Variants in OR2V1 observed in about 807,000 individuals in gnomAD.
OR2V1 encodes the protein olfactory receptor 2V1.
In OR2V1, 18 loss-of-function variants were observed where a neutral mutation model predicts 15.0. The observed-to-expected ratio is 1.20, with a 90% CI of 0.83 to 1.78. The LOEUF is 1.78. OR2V1 is among the 40% of genes most tolerant of loss of function. The probability of loss-of-function intolerance (pLI) is 0.00; values close to 1 mark genes in which losing one functional copy is unlikely to be tolerated. For synonymous variants in OR2V1, 144 were observed against 146.1 expected, an observed-to-expected ratio of 0.99 and a Z score of 0.10; for missense variants, 359 against 392.9, an observed-to-expected ratio of 0.91 and a Z score of 0.73.
In OR2V1 at chr5:181,124,139, C is replaced by A. The variant is rs544801859; in HGVS notation, c.*218G>T. 1.4e-5 allele frequency: 6 copies of A among 414,500 alleles called. No individual in the cohort carries two copies. In the South Asian group the frequency reaches 6.8e-4, roughly 47 times the overall value. 25.7% of individuals were successfully genotyped at this position (414,500 alleles called of 1,614,324 possible). On this transcript the variant is annotated 3_prime_UTR_variant, in exon 4 of 4. Transcript: ENST00000641551. ...GAGCTTTAGATTGACACATTGTGATCTTTACAAAATCCCTCAGAGCACGAG... is the reference window on the plus strand; with the variant it reads ...GAGCTTTAGATTGACACATTGTGATATTTACAAAATCCCTCAGAGCACGAG...
chr5:181,125,217 AG>A lies in OR2V1; in HGVS notation c.87del (p.Ser30LeufsTer108). 6.2e-7 allele frequency: 1 copy of A among 1,614,170 alleles called. No homozygotes were observed. Among genetic ancestry groups the A allele is most frequent in the South Asian group, 1.1e-5 (1 of 91,084 alleles). ...FSHSQTDLVL[F>X]SAVMVVFTVA... ...ACTGTGAAGACCACCATAACTGCAG[AG>A]AAGAGGACAAGGTCAGTCTGGCTGT... is the stretch of plus-strand genomic sequence containing the variant. On this transcript the variant is annotated frameshift_variant, in exon 4 of 4. Transcript: ENST00000641551. LOFTEE classifies it high-confidence loss of function.
At chr5:181,127,497 T>A (rs1762890904) in intron 3 of OR2V1, among the ~76,000 whole-genome samples, 1 of 152,152 alleles carries the variant, frequency 6.6e-6, no homozygotes, top group Non-Finnish European at 1.5e-5. Context: ...ACGTCCACCT[T>A]ACCTCACTGC....
rs1221315423 is a variant in OR2V1, at chr5:181,124,841, A to G, written c.464T>C (p.Ile155Thr). The G allele has an allele frequency of 1.9e-6, 3 of 1,599,842 alleles. No individual in the cohort carries two copies. The highest frequency in any genetic ancestry group is 1.1e-5 in the South Asian group (1 of 89,702). The change falls in exon 4 of 4, where the codon ATA (isoleucine) becomes ACA (threonine). Residue 155 changes from isoleucine to threonine, a missense_variant. Coordinates refer to ENST00000641551, the MANE Select transcript of OR2V1 (RefSeq NM_001258283.2). ...ITGSSWAFGI[I>T]DGVIQMVAAM... ...TGCCACCATCTGAATCACTCCATCTATTATCCCAAAGGCCCAGGAGCTCCC... is the reference window on the plus strand; with the variant it reads ...TGCCACCATCTGAATCACTCCATCTGTTATCCCAAAGGCCCAGGAGCTCCC...
chr5:181,127,439 C>T (rs987373370), intron 3 of OR2V1, among the ~76,000 whole-genome samples: 1 of 152,210 alleles, frequency 6.6e-6, no homozygotes, highest in African/African-American at 2.4e-5. Flanking sequence ...ACCTGCTCCA[C>T]ACATGGGCGG....
In OR2V1 at chr5:181,123,647, C is replaced by T. The variant is rs1762830199; in HGVS notation, c.*710G>A. The T allele has an allele frequency of 6.6e-6, 1 of 152,200 alleles. No homozygotes were observed. Among genetic ancestry groups the T allele is most frequent in the African/African-American group, 2.4e-5 (1 of 41,444 alleles). 9.4% of individuals were successfully genotyped at this position (152,200 alleles called of 1,614,324 possible). A position where few individuals can be genotyped will look rare whatever the true frequency, so the allele number is the denominator to read the frequency against. ...TTCCCACCTTGACTTTTCCCTTTAT[C>T]CTCGTGATTTTGGGGGCCCAAGATA... is the stretch of plus-strand genomic sequence containing the variant. On this transcript the variant is annotated 3_prime_UTR_variant, in exon 4 of 4. Coordinates refer to ENST00000641551, the MANE Select transcript of OR2V1 (RefSeq NM_001258283.2).
At position 181,123,933 on chromosome 5, in the gene OR2V1, C is replaced by A. The variant is rs1376653003; in HGVS notation, c.*424G>T. Reference sequence around the variant, plus strand: ...GAAAGAATAGAAAAGGAACAGGAACCTAGAACTTAGTAAGCATCCAATAAA... The same window carrying A: ...GAAAGAATAGAAAAGGAACAGGAACATAGAACTTAGTAAGCATCCAATAAA... On this transcript the variant is annotated 3_prime_UTR_variant, in exon 4 of 4. Transcript: ENST00000641551. The A allele has an allele frequency of 6.5e-6, 1 of 154,472 alleles. No individual in the cohort carries two copies. The highest frequency in any genetic ancestry group is 1.4e-5 in the Non-Finnish European group (1 of 69,950). The allele number at this position is 154,472 out of a possible 1,614,324, so 9.6% of individuals were successfully genotyped here. A position where few individuals can be genotyped will look rare whatever the true frequency, so the allele number is the denominator to read the frequency against.
In OR2V1 at chr5:181,130,212, T is replaced by A. The variant is rs1308290492; in HGVS notation, c.-117A>T. 1.0e-5 allele frequency: 4 copies of A among 398,506 alleles called. No individual in the cohort carries two copies. Among genetic ancestry groups the A allele is most frequent in the Non-Finnish European group, 1.8e-5 (4 of 226,118 alleles). 24.7% of individuals were successfully genotyped at this position (398,506 alleles called of 1,614,324 possible). Reference sequence around the variant, plus strand: ...CTGCAGGGGAACAAACTCAGCAGAGTCACCTGTGGAGGAGTTCCTAGCGTC... The same window carrying A: ...CTGCAGGGGAACAAACTCAGCAGAGACACCTGTGGAGGAGTTCCTAGCGTC... On this transcript the variant is annotated 5_prime_UTR_variant, in exon 2 of 4. Transcript: ENST00000641551.
Position 181,124,656 on chromosome 5 carries a change from C to G in OR2V1, c.649G>C (p.Ala217Pro), listed in dbSNP as rs1298287212. 1.9e-6 allele frequency: 3 copies of G among 1,613,498 alleles called. No individual in the cohort carries two copies. The South Asian group carries it at 3.3e-5, about 18-fold the overall frequency. ...GCCCCTAGGATGCAAGCATAGGAGGCCATGATGATGGAGAAGGGAAGGAGA... is the reference window on the plus strand; with the variant it reads ...GCCCCTAGGATGCAAGCATAGGAGGGCATGATGATGGAGAAGGGAAGGAGA... ...MLLLPFSIIM[A>P]SYACILGAVL... Residue 217 changes from alanine (A) to proline (P), a missense_variant, in exon 4 of 4, where the codon GCC becomes CCC. Coordinates refer to ENST00000641551, the MANE Select transcript of OR2V1 (RefSeq NM_001258283.2).
intron 3 of OR2V1, among the ~76,000 whole-genome samples, chr5:181,128,211 C>CAA (rs1561624145): frequency 1.7e-3 from 50 of 29,704 alleles, no homozygotes; most frequent in Non-Finnish European, 3.8e-3. Context: ...CACACACACA[C>CAA]ACACACACAC....
Position 181,124,477 on chromosome 5 carries a change from A to G in OR2V1, c.828T>C (p.Ser276=). Residue 276 remains serine (S), a synonymous_variant, in exon 4 of 4, where the codon TCT becomes TCC. Transcript: ENST00000641551. ...TGGGAGTAAGGACTGTGTAGAAGATAGAGGCCACCTTGTCATGGCTAGGGG... is the reference window on the plus strand; with the variant it reads ...TGGGAGTAAGGACTGTGTAGAAGATGGAGGCCACCTTGTCATGGCTAGGGG... ...YRAPSHDKVA[S]IFYTVLTPML... is the part of the protein sequence containing the mutation. 1 of 1,614,044 alleles carries G rather than the reference A, an allele frequency of 6.2e-7. No homozygotes were observed. The highest frequency in any genetic ancestry group is 8.5e-7 in the Non-Finnish European group (1 of 1,179,980).
chr5:181,124,686 T>G lies in OR2V1; in HGVS notation c.619A>C (p.Met207Leu), dbSNP rs1255511809. The G allele has an allele frequency of 6.2e-7, 1 of 1,612,894 alleles. No homozygotes were observed. Among genetic ancestry groups the G allele is most frequent in the South Asian group, 1.1e-5 (1 of 91,070 alleles). The change falls in exon 4 of 4, where the codon ATG (methionine) becomes CTG (leucine). Residue 207 changes from methionine to leucine, a missense_variant. Met to Leu is a conservative substitution (Grantham distance 15). Transcript: ENST00000641551. ...DTLLFACCVF[M>L]LLLPFSIIMA... ...ATGATGGAGAAGGGAAGGAGAAGCA[T>G]GAAGACACAGCAAGCAAAGAGGAGG...
At chr5:181,125,442 ACAG>A in intron 3 of OR2V1, 117 bp from the exon 4 acceptor site, 1 of 725,470 alleles carries the variant, frequency 1.4e-6, no homozygotes, top group Non-Finnish European at 2.2e-6. Flanking sequence ...TTCCTGTGAC[ACAG>A]GTGACAGGAC....
Position 181,124,942 on chromosome 5 carries a change from A to G in OR2V1, c.363T>C (p.Tyr121=). 3 of 1,614,168 alleles carry G rather than the reference A, an allele frequency of 1.9e-6. No homozygotes were observed. The highest frequency in any genetic ancestry group is 2.5e-6 in the Non-Finnish European group (3 of 1,180,022). Residue 121 remains tyrosine (Y), a synonymous_variant, in exon 4 of 4, where the codon TAT becomes TAC. Transcript: ENST00000641551. ...GGTGGCTAACGGCCACGTAGCGGTC[A>G]TAAGCCATGAGTCCCAGCAAGAGCC... The part of the protein sequence containing the change: ...SEGLLLGLMA[Y]DRYVAVSHPL...
intron 1 of OR2V1, chr5:181,130,546 G>C (rs1455163788): frequency 7.8e-5 from 24 of 306,026 alleles, no homozygotes; most frequent in Non-Finnish European, 1.2e-4. Context: ...TGGCCAGGTG[G>C]CAGAACCGCC....
At position 181,125,173 on chromosome 5, in the gene OR2V1, G is replaced by A; in HGVS notation, c.132C>T (p.Val44=). ...CCAGGTAGATGAGGAAGATGAGGAG[G>A]ACATTCCCACAGAGGGCCACTGTGA... ...VVFTVALCGN[V]LLIFLIYLDA... is the part of the protein sequence containing the mutation. The change falls in exon 4 of 4, where the codon GTC becomes GTT. Residue 44 remains valine, a synonymous_variant. Transcript: ENST00000641551. 6.2e-7 allele frequency: 1 copy of A among 1,614,110 alleles called. No individual in the cohort carries two copies. The highest frequency in any genetic ancestry group is 8.5e-7 in the Non-Finnish European group (1 of 1,180,036).
chr5:181,125,377 C>A, intron 3 of OR2V1, 52 bp from the exon 4 acceptor site: 1 of 1,369,256 alleles, frequency 7.3e-7, no homozygotes, highest in South Asian at 1.3e-5. Context: ...CTATTGTGCT[C>A]CAAATTCTTC....
In OR2V1 at chr5:181,130,323, G is replaced by C. The variant is rs560431621; in HGVS notation, c.-120-108C>G. 8.1e-4 allele frequency: 324 copies of C among 398,372 alleles called. 1 individual carries two copies. In the East Asian group the frequency reaches 0.011, roughly 14 times the overall value. 24.7% of individuals were successfully genotyped at this position (398,372 alleles called of 1,614,324 possible). On this transcript the variant is annotated intron_variant, in intron 1 of 3. Transcript: ENST00000641551. ...CAGCCCCAACCTCCTTCCTCAGCCC[G>C]CACCGACTACTCATCGGGTTGTGGA...
chr5:181,125,854 G>A (rs952610335), intron 3 of OR2V1, among the ~76,000 whole-genome samples: 3 of 152,080 alleles, frequency 2.0e-5, no homozygotes, highest in African/African-American at 4.8e-5. Flanking sequence ...GCGTGGTGGC[G>A]CATGACTGTA....
chr5:181,124,337 C>T lies in OR2V1; in HGVS notation c.*20G>A. 1 of 1,525,332 alleles carries T rather than the reference C, an allele frequency of 6.6e-7. No individual in the cohort carries two copies. The highest frequency in any genetic ancestry group is 8.8e-7 in the Non-Finnish European group (1 of 1,137,064). 94.5% of individuals were successfully genotyped at this position (1,525,332 alleles called of 1,614,324 possible). ...GTGACACAGGCAAGAAGGGGCACAG[C>T]AGGCACCAGACTCTGGGGTTCAGTG... On this transcript the variant is annotated 3_prime_UTR_variant, in exon 4 of 4. Transcript: ENST00000641551.
Sources: allele counts gnomAD v4.1 joint callset (sites outside exome capture counted in the v4.1 genomes callset), GRCh38; gene constraint gnomAD v4.1.1; transcripts MANE v1.5; gene names NCBI Gene and HGNC (gene_info 2026-07-23, HGNC 2026-07-21).